Variants in PDE8B observed in about 807,000 individuals in gnomAD.
PDE8B encodes the protein phosphodiesterase 8B, also known as high affinity cAMP-specific and IBMX-insensitive 3',5'-cyclic phosphodiesterase 8B.
Under a neutral mutation model 101.3 loss-of-function variants are expected in PDE8B, and 26 were observed. The observed-to-expected ratio is 0.26, with a 90% confidence interval of 0.19 to 0.36. The LOEUF (loss-of-function observed/expected upper bound fraction) is 0.36. Ranked by LOEUF, PDE8B falls within the 10% of genes least tolerant of loss-of-function variation. The pLI is 1.00. For missense variants in PDE8B, 810 were observed against 1,163.1 expected (o/e 0.70, Z 4.42); for synonymous variants, 424 against 429.3 (o/e 0.99, Z 0.15).
chr5:77,377,990 C>T (rs774690048), intron 10 of PDE8B, among the ~76,000 whole-genome samples: 2 of 145,072 alleles, frequency 1.4e-5, no homozygotes, highest in East Asian at 2.1e-4. Flanking sequence ...CTCGCTTGCT[C>T]GCTCTCTCCC....
chr5:77,354,852 G>T (rs1425505374), intron 10 of PDE8B, among the ~76,000 whole-genome samples: 1 of 152,152 alleles, frequency 6.6e-6, no homozygotes, highest in African/African-American at 2.4e-5. Context: ...AGTCCTTCAT[G>T]ACCCAGTGCA....
intron 1 of PDE8B, among the ~76,000 whole-genome samples, chr5:77,260,157 C>CAAAAAAAAAAAAAAAAAAAAAAAAA (rs66923234): frequency 4.0e-5 from 4 of 100,962 alleles, no homozygotes; most frequent in Non-Finnish European, 6.1e-5. Context: ...AACTCCATCA[C>CAAAAAAAAAAAAAAAAAAAAAAAAA]AAAAAAAAAA....
upstream of PDE8B, among the ~76,000 whole-genome samples, chr5:77,210,286 G>A (rs1377227553): frequency 2.0e-5 from 3 of 151,484 alleles, no homozygotes; most frequent in Admixed American, 1.3e-4. The surrounding 1 kb of genome is among the most constrained non-coding windows in gnomAD (Gnocchi z 4.9). Context: ...CCGAGGCGCG[G>A]TGCCAGCTGC....
At chr5:77,134,627 T>G in the PDE8B span, 2 of 152,218 alleles carry the variant, frequency 1.3e-5, no homozygotes, top group Non-Finnish European at 2.9e-5. Context: ...GGAAGGAATG[T>G]GTATGGATCC....
At chr5:77,332,888 T>C (rs1777418571) in intron 5 of PDE8B, among the ~76,000 whole-genome samples, 2 of 151,880 alleles carry the variant, frequency 1.3e-5, no homozygotes, top group Admixed American at 6.6e-5. Flanking sequence ...TGGAGTGATG[T>C]ATTTCTTAAA....
At chr5:77,248,577 C>T (rs1757436435) in intron 1 of PDE8B, among the ~76,000 whole-genome samples, 1 of 152,132 alleles carries the variant, frequency 6.6e-6, no homozygotes. Context: ...TGTGTACCTA[C>T]CGTGAAGAAA....
intron 19 of PDE8B, among the ~76,000 whole-genome samples, 194 bp downstream of exon 19, chr5:77,420,081 C>A (rs564039774): frequency 6.6e-6 from 1 of 152,116 alleles, no homozygotes; most frequent in Non-Finnish European, 1.5e-5. Flanking sequence ...ACTCTGAGCT[C>A]CTTGAAAGAA....
the PDE8B span, chr5:77,114,512 G>C: frequency 4.6e-5 from 7 of 152,182 alleles, no homozygotes; most frequent in African/African-American, 1.7e-4. Flanking sequence ...GGCCTGTTGA[G>C]GGGTTGGGGG....
chr5:77,385,585 T>C (rs1581396868), intron 10 of PDE8B, among the ~76,000 whole-genome samples: 2 of 152,262 alleles, frequency 1.3e-5, no homozygotes, highest in East Asian at 3.9e-4. Flanking sequence ...TTTTAGATCT[T>C]TCCTACTTTC....
At chr5:77,179,741 T>C in the PDE8B span, among the ~76,000 whole-genome samples, 524 of 152,256 alleles carry the variant, frequency 3.4e-3, 4 homozygotes, top group African/African-American at 0.012. Context: ...AATAGATTTT[T>C]CTCAAGGTTT....
chr5:77,191,339 A>G, the PDE8B span, among the ~76,000 whole-genome samples: 1 of 152,078 alleles, frequency 6.6e-6, no homozygotes, highest in Non-Finnish European at 1.5e-5. Flanking sequence ...TATAATATTT[A>G]TGTACAATAA....
At chr5:77,117,461 C>A in the PDE8B span, among the ~76,000 whole-genome samples, 4 of 152,112 alleles carry the variant, frequency 2.6e-5, no homozygotes, top group Non-Finnish European at 5.9e-5. Flanking sequence ...TTTACCTTTA[C>A]CATGAAGACA....
chr5:77,262,420 G>A (rs1760812802), intron 1 of PDE8B, among the ~76,000 whole-genome samples: 1 of 152,208 alleles, frequency 6.6e-6, no homozygotes, highest in African/African-American at 2.4e-5. Flanking sequence ...GAAAACAAAT[G>A]TCCCTCTCGC....
chr5:77,096,467 G>C, the PDE8B span, among the ~76,000 whole-genome samples: 2 of 152,146 alleles, frequency 1.3e-5, no homozygotes, highest in Non-Finnish European at 2.9e-5. Flanking sequence ...AGGCTGGTAA[G>C]TTCCCTATCA....
At chr5:77,221,507 A>G (rs1008658811) in intron 1 of PDE8B, among the ~76,000 whole-genome samples, 16 of 152,064 alleles carry the variant, frequency 1.1e-4, no homozygotes, top group African/African-American at 3.6e-4. Flanking sequence ...AGAAAATCGG[A>G]GTATGCGAAG....
the PDE8B span, among the ~76,000 whole-genome samples, chr5:77,195,555 G>A: frequency 6.6e-6 from 1 of 151,934 alleles, no homozygotes; most frequent in African/African-American, 2.4e-5. Context: ...CTTGAACACT[G>A]TGGGGGTAAG....
At chr5:77,169,055 C>T in the PDE8B span, among the ~76,000 whole-genome samples, 2 of 152,226 alleles carry the variant, frequency 1.3e-5, no homozygotes, top group Non-Finnish European at 2.9e-5. Flanking sequence ...AGCACAAGGA[C>T]AGCCACACCC....
At chr5:77,188,991 C>T in the PDE8B span, among the ~76,000 whole-genome samples, 1 of 152,142 alleles carries the variant, frequency 6.6e-6, no homozygotes, top group African/African-American at 2.4e-5. Context: ...TGCTTTGGCC[C>T]AGGTGTAGTT....
intron 5 of PDE8B, among the ~76,000 whole-genome samples, chr5:77,332,619 C>G (rs539638306): frequency 5.9e-5 from 9 of 152,128 alleles, no homozygotes; most frequent in Non-Finnish European, 1.5e-5. Context: ...AGGCAGATCA[C>G]CTGAGGTTGG....
Sources: gnomAD v4.1 joint callset for allele counts (sites outside exome capture counted in the v4.1 genomes callset) on GRCh38, gnomAD v4.1.1 for gene constraint, Gnocchi (gnomAD v3.1) non-coding constraint, MANE v1.5 for transcripts, NCBI Gene and HGNC (gene_info 2026-07-23, HGNC 2026-07-21) for gene names.